Variants in KAZN observed in about 807,000 individuals in gnomAD.
KAZN encodes kazrin.
A neutral mutation model predicts 87.4 loss-of-function variants in KAZN; 40 were observed. That is an observed-to-expected ratio of 0.46 (90% CI 0.36 to 0.60). The LOEUF (loss-of-function observed/expected upper bound fraction) is 0.60. Ranked by LOEUF, KAZN falls within the 20% of genes least tolerant of loss-of-function variation. The pLI is 0.00. For synonymous variants in KAZN, 466 were observed against 458.3 expected (o/e 1.02, Z -0.22); for missense variants, 898 against 1,073.9 (o/e 0.84, Z 2.29).
intron 1 of KAZN, among the ~76,000 whole-genome samples, chr1:14,713,049 T>C (rs566012955): frequency 1.3e-5 from 2 of 152,156 alleles, no homozygotes; most frequent in Admixed American, 6.5e-5. Flanking sequence ...AATGCTCCTA[T>C]GTCTGGGTGG....
At chr1:14,496,591 A>G (rs1669954890) in intron 2 of KAZN, among the ~76,000 whole-genome samples, 1 of 152,204 alleles carries the variant, frequency 6.6e-6, no homozygotes, top group Non-Finnish European at 1.5e-5. Flanking sequence ...ACTTTTGAAT[A>G]CATTATTATA....
chr1:13,950,763 C>T (rs1384184748), intron 1 of KAZN, among the ~76,000 whole-genome samples: 2 of 152,194 alleles, frequency 1.3e-5, no homozygotes, highest in South Asian at 2.1e-4. Flanking sequence ...TTTGACTTCT[C>T]TATGTGCCTC....
chr1:14,906,518 G>A (rs1017819692), intron 1 of KAZN, among the ~76,000 whole-genome samples: 21 of 151,944 alleles, frequency 1.4e-4, no homozygotes, highest in Admixed American at 9.2e-4. Context: ...AGCCTCATGC[G>A]GAGCGAGTTC....
chr1:15,013,238 A>G (rs570074144), intron 2 of KAZN, among the ~76,000 whole-genome samples: 1 of 152,298 alleles, frequency 6.6e-6, no homozygotes, highest in South Asian at 2.1e-4. Context: ...CACCTTCTGT[A>G]TGCCAGACCC....
intron 1 of KAZN, among the ~76,000 whole-genome samples, chr1:14,027,945 A>T (rs1641152242): frequency 6.6e-6 from 1 of 152,186 alleles, no homozygotes; most frequent in African/African-American, 2.4e-5. Context: ...ATCTGGTTCC[A>T]AATGAGCCAA....
At chr1:14,937,667 C>T (rs1320601654) in intron 1 of KAZN, among the ~76,000 whole-genome samples, 3 of 152,234 alleles carry the variant, frequency 2.0e-5, no homozygotes, top group Non-Finnish European at 2.9e-5. Flanking sequence ...ACGTCCCCTT[C>T]GCCAGTTTCC....
intron 2 of KAZN, among the ~76,000 whole-genome samples, chr1:14,965,015 G>C (rs1274262684): frequency 6.6e-6 from 1 of 151,902 alleles, no homozygotes; most frequent in East Asian, 1.9e-4. Context: ...GATTGTTTAA[G>C]ACATATATAT....
Position 14,111,094 on chromosome 1 carries a change from A to T in KAZN, c.92-69341A>T, listed in dbSNP as rs1644489848. ...ATGTCCTGAAGGAGGTGGAGGATTCATCAATATTCATCCACACAGCAGACA... is the reference window on the plus strand; with the variant it reads ...ATGTCCTGAAGGAGGTGGAGGATTCTTCAATATTCATCCACACAGCAGACA... On this transcript the variant is annotated intron_variant, in intron 1 of 16. Transcript: ENST00000636203. 1.5e-5 allele frequency among the ~76,000 whole-genome samples: 2 copies of T among 134,674 alleles called. 1 individual carries two copies. Among genetic ancestry groups the T allele is most frequent in the Non-Finnish European group, 3.2e-5 (2 of 63,028 alleles). 88.4% of individuals were successfully genotyped at this position (134,674 alleles called of 152,430 possible).
In KAZN at chr1:15,077,271, GT is replaced by G. The variant is rs1639802322; in HGVS notation, c.1222+11519del. Among the ~76,000 whole-genome samples the G allele has an allele frequency of 6.6e-6, 1 of 152,048 alleles. No individual in the cohort carries two copies. Among genetic ancestry groups the G allele is most frequent in the Non-Finnish European group, 1.5e-5 (1 of 68,028 alleles). On this transcript the variant is annotated intron_variant, in intron 8 of 14. Transcript: ENST00000376030. This position sits in a 1 kb window ranked among gnomAD's most constrained non-coding sequence, Gnocchi z 4.8. ...TAGATTCTCTCTCTGTGGACACCTCGTGCTCTGACAGTCCCTGGTCTTCCCC... is the reference window on the plus strand; with the variant it reads ...TAGATTCTCTCTCTGTGGACACCTCGGCTCTGACAGTCCCTGGTCTTCCCC...
At chr1:14,214,250 G>A (rs372468242) in intron 2 of KAZN, among the ~76,000 whole-genome samples, 18 of 77,582 alleles carry the variant, frequency 2.3e-4, no homozygotes, top group African/African-American at 8.6e-4. Flanking sequence ...TCTTTGGAGT[G>A]TACATCGTTA....
At chr1:15,024,568 A>G (rs1039837350) in intron 2 of KAZN, among the ~76,000 whole-genome samples, 2 of 152,240 alleles carry the variant, frequency 1.3e-5, no homozygotes, top group Admixed American at 1.3e-4. Context: ...AAGAACTCAG[A>G]TGGTCCGAGG....
intron 1 of KAZN, among the ~76,000 whole-genome samples, chr1:13,948,857 C>G (rs987262333): frequency 6.6e-6 from 1 of 152,052 alleles, no homozygotes; most frequent in Admixed American, 6.5e-5. Flanking sequence ...TGCCCTAGGC[C>G]CCTTCCCATG....
chr1:14,641,282 T>A lies in KAZN; in HGVS notation c.226+42059T>A, dbSNP rs187312770. ...CTGGCCAGGCAAAAGCCTCAGATGATCAGTTTAGCTCCCATGGTCTACATG... is the reference window on the plus strand; with the variant it reads ...CTGGCCAGGCAAAAGCCTCAGATGAACAGTTTAGCTCCCATGGTCTACATG... On this transcript the variant is annotated intron_variant, in intron 1 of 14. Coordinates refer to ENST00000376030, the MANE Select transcript of KAZN (RefSeq NM_201628.3). 9.3e-4 allele frequency among the ~76,000 whole-genome samples: 142 copies of A among 152,234 alleles called. 1 individual carries two copies. The highest frequency in any genetic ancestry group is 3.3e-3 in the African/African-American group (139 of 41,544).
chr1:13,942,694 A>T (rs1207001319), intron 1 of KAZN, among the ~76,000 whole-genome samples: 1 of 152,182 alleles, frequency 6.6e-6, no homozygotes, highest in Non-Finnish European at 1.5e-5. Context: ...ACAAAAAACC[A>T]AGACAAAGAC....
intron 2 of KAZN, among the ~76,000 whole-genome samples, chr1:14,560,580 A>T (rs1388654472): frequency 6.6e-6 from 1 of 152,166 alleles, no homozygotes; most frequent in Admixed American, 6.5e-5. Context: ...TCCATCTCAA[A>T]ATAATAATAA....
chr1:14,991,214 C>T (rs543310054), intron 2 of KAZN, among the ~76,000 whole-genome samples: 4 of 152,038 alleles, frequency 2.6e-5, no homozygotes, highest in East Asian at 1.9e-4. Flanking sequence ...ATTATCCGGG[C>T]GTGGTGGTGG....
chr1:14,246,298 C>T (rs1463523093), intron 2 of KAZN, among the ~76,000 whole-genome samples: 1 of 151,868 alleles, frequency 6.6e-6, no homozygotes, highest in South Asian at 2.1e-4. Context: ...TGTGGCAAAC[C>T]TGCACATCCT....
At chr1:13,898,675 C>T (rs1181795141) in intron 1 of KAZN, among the ~76,000 whole-genome samples, 1 of 152,302 alleles carries the variant, frequency 6.6e-6, no homozygotes. Context: ...ACCTGCAAGG[C>T]TCCTTGTTTG....
intron 1 of KAZN, among the ~76,000 whole-genome samples, chr1:14,026,160 A>G (rs944126682): frequency 2.0e-5 from 3 of 152,192 alleles, no homozygotes; most frequent in African/African-American, 4.8e-5. Flanking sequence ...TGTGTTCCAG[A>G]GAATAATATA....
Sources: allele counts gnomAD v4.1 joint callset (sites outside exome capture counted in the v4.1 genomes callset), GRCh38; gene constraint gnomAD v4.1.1; non-coding constraint Gnocchi (gnomAD v3.1); transcripts MANE v1.5; gene names NCBI Gene and HGNC (gene_info 2026-07-23, HGNC 2026-07-21).